The following HIRA variants were observed in gnomAD, a reference collection of about 807,000 sequenced individuals.
HIRA encodes histone cell cycle regulator, also known as protein HIRA.
In HIRA, 13 loss-of-function variants were observed where a neutral mutation model predicts 126.6. The observed-to-expected ratio is 0.10, with a 90% CI of 0.07 to 0.16. HIRA has a LOEUF of 0.16. HIRA is among the 10% of genes least tolerant of loss of function. HIRA has a pLI of 1.00. For synonymous variants in HIRA, 511 were observed against 520.0 expected (o/e 0.98, Z 0.24); for missense variants, 834 against 1,314.4 (o/e 0.63, Z 5.65).
At chr22:19,431,359 G>C (rs1390746810) in intron 1 of HIRA, 81 bp downstream of exon 1, 2 of 1,478,236 alleles carry the variant, frequency 1.4e-6, no homozygotes, top group Admixed American at 3.4e-5. Context: ...GAGACAGGCA[G>C]GACTTGCGCG....
intron 15 of HIRA, among the ~76,000 whole-genome samples, chr22:19,369,118 G>A (rs1371420994): frequency 6.7e-6 from 1 of 149,948 alleles, no homozygotes; most frequent in Non-Finnish European, 1.5e-5. Flanking sequence ...CCTTACAAAT[G>A]GGCTCCATCC....
At position 19,431,587 on chromosome 22, in the gene HIRA, C is replaced by T; in HGVS notation, c.-111G>A. The T allele has an allele frequency of 1.1e-6, 1 of 934,572 alleles. No individual in the cohort carries two copies. 57.9% of individuals were successfully genotyped at this position (934,572 alleles called of 1,614,324 possible). A position where few individuals can be genotyped will look rare whatever the true frequency, so the allele number is the denominator to read the frequency against. ...CCCGCGCCACCCGCCCTCCGGCCGCCGCCCGCCCCGCGCCCTCAGGGCCGC... is the reference window on the plus strand; with the variant it reads ...CCCGCGCCACCCGCCCTCCGGCCGCTGCCCGCCCCGCGCCCTCAGGGCCGC... On this transcript the variant is annotated 5_prime_UTR_variant, in exon 1 of 25. Transcript: ENST00000263208.
intron 13 of HIRA, among the ~76,000 whole-genome samples, chr22:19,383,184 A>G (rs2089092379): frequency 1.3e-5 from 2 of 152,208 alleles, no homozygotes; most frequent in Admixed American, 1.3e-4. Context: ...TAAAAACATT[A>G]ACAGTGACTG....
In HIRA at chr22:19,401,291, C is replaced by T. The variant is rs535122727; in HGVS notation, c.398-3204G>A. Among the ~76,000 whole-genome samples the T allele has an allele frequency of 3.1e-4, 47 of 152,300 alleles. 1 individual carries two copies. The highest frequency in any genetic ancestry group is 1.1e-3 in the African/African-American group (45 of 41,548). ...CCCTCTCCTTCAAATACTCTCTTCA[C>T]TGTCCGTTTTGTTGTTGTTGCTGAG... On this transcript the variant is annotated intron_variant, in intron 5 of 24. Coordinates refer to ENST00000263208, the MANE Select transcript of HIRA (RefSeq NM_003325.4).
chr22:19,431,327 C>T, intron 1 of HIRA, 113 bp downstream of exon 1: 2 of 1,236,304 alleles, frequency 1.6e-6, no homozygotes, highest in Non-Finnish European at 2.3e-6. Flanking sequence ...GGCTTGGGCA[C>T]CGGGTACCGG....
chr22:19,384,741 G>C (rs1056142145), intron 12 of HIRA, among the ~76,000 whole-genome samples: 3 of 151,446 alleles, frequency 2.0e-5, no homozygotes, highest in South Asian at 4.2e-4. Context: ...TGCAATATCT[G>C]CTTCCCGGGT....
chr22:19,423,754 A>G (rs1269082846), intron 1 of HIRA, among the ~76,000 whole-genome samples: 4 of 152,202 alleles, frequency 2.6e-5, no homozygotes, highest in Non-Finnish European at 5.9e-5. Flanking sequence ...GAGGCAGACA[A>G]TGCTTTTAGG....
chr22:19,340,867 T>C (rs2088620063), intron 24 of HIRA, among the ~76,000 whole-genome samples: 1 of 152,160 alleles, frequency 6.6e-6, no homozygotes, highest in Non-Finnish European at 1.5e-5. Flanking sequence ...AAAGAAATCA[T>C]AGACAACACA....
intron 1 of HIRA, among the ~76,000 whole-genome samples, chr22:19,427,562 C>T (rs890343939): frequency 3.9e-5 from 6 of 152,176 alleles, no homozygotes; most frequent in Non-Finnish European, 5.9e-5. Context: ...GGAGAAAATA[C>T]ACACCATAAG....
At chr22:19,368,073 A>G (rs1228413509) in intron 15 of HIRA, among the ~76,000 whole-genome samples, 2 of 152,162 alleles carry the variant, frequency 1.3e-5, no homozygotes, top group Non-Finnish European at 2.9e-5. Flanking sequence ...GTTCACCATG[A>G]GTGAACTCCT....
chr22:19,411,613 A>G (rs1368428580), intron 1 of HIRA, among the ~76,000 whole-genome samples: 1 of 152,258 alleles, frequency 6.6e-6, no homozygotes, highest in East Asian at 1.9e-4. Flanking sequence ...CCTCTAGCAC[A>G]GTACCCAGTG....
chr22:19,384,187 G>A (rs1437929235), intron 12 of HIRA, among the ~76,000 whole-genome samples: 1 of 151,900 alleles, frequency 6.6e-6, no homozygotes, highest in African/African-American at 2.4e-5. Flanking sequence ...GCGTGGTGGT[G>A]TGTAACTGTA....
chr22:19,398,116 ATC>A lies in HIRA; in HGVS notation c.398-31_398-30del, dbSNP rs939474672. The A allele has an allele frequency of 2.6e-6, 4 of 1,548,998 alleles. No individual in the cohort carries two copies. The African/African-American group carries it at 5.4e-5, about 21-fold the overall frequency. Reference sequence around the variant, plus strand: ...AAAGAAGACAGAGGGTTCTGGTGAGATCTCTTACCTGGTGATGCCCTTGTCTA... The same window carrying A: ...AAAGAAGACAGAGGGTTCTGGTGAGATCTTACCTGGTGATGCCCTTGTCTA... On this transcript the variant is annotated intron_variant, in intron 5 of 24. Transcript: ENST00000263208.
At chr22:19,410,314 T>C (rs1569310698) in intron 2 of HIRA, among the ~76,000 whole-genome samples, 1 of 152,230 alleles carries the variant, frequency 6.6e-6, no homozygotes, top group Admixed American at 6.5e-5. Context: ...GCCTAATAAC[T>C]ACACGATTGC....
chr22:19,336,523 T>C (rs1569286157), intron 24 of HIRA, among the ~76,000 whole-genome samples: 1 of 152,230 alleles, frequency 6.6e-6, no homozygotes, highest in Non-Finnish European at 1.5e-5. Flanking sequence ...ACATCCTTTC[T>C]AACCAGTGGT....
intron 6 of HIRA, 88 bp downstream of exon 6, chr22:19,397,904 A>G: frequency 1.2e-6 from 1 of 867,088 alleles, no homozygotes; most frequent in Non-Finnish European, 1.9e-6. Context: ...ATCTGTTGCC[A>G]CCAAGACTAA....
chr22:19,343,702 G>A (rs1484197124), intron 24 of HIRA, among the ~76,000 whole-genome samples: 2 of 152,026 alleles, frequency 1.3e-5, no homozygotes, highest in African/African-American at 4.8e-5. Flanking sequence ...GAGACGGGTG[G>A]ATTGATTGAG....
chr22:19,340,519 CA>C (rs1451028544), intron 24 of HIRA, among the ~76,000 whole-genome samples: 4 of 151,934 alleles, frequency 2.6e-5, no homozygotes, highest in Non-Finnish European at 2.9e-5. Flanking sequence ...CTAGCCAGAG[CA>C]AACAGACAAG....
intron 14 of HIRA, among the ~76,000 whole-genome samples, chr22:19,376,831 G>C (rs942973498): frequency 4.6e-5 from 7 of 152,240 alleles, no homozygotes; most frequent in Admixed American, 4.6e-4. Flanking sequence ...GGGGGCTGCA[G>C]TAACACAAGA....
Sources: gnomAD v4.1 joint callset for allele counts (sites outside exome capture counted in the v4.1 genomes callset) on GRCh38, gnomAD v4.1.1 for gene constraint, MANE v1.5 for transcripts, NCBI Gene and HGNC (gene_info 2026-07-23, HGNC 2026-07-21) for gene names.